Variants in TNXB observed in about 807,000 individuals in gnomAD.
TNXB encodes tenascin XB, also known as tenascin-X.
TNXB carries 183 observed loss-of-function variants against 340.5 expected under a neutral mutation model. The ratio of observed to expected loss-of-function variants is 0.54; its 90% CI spans 0.48 to 0.61. TNXB has a LOEUF of 0.61. Ranked by LOEUF, TNXB falls within the 20% of genes least tolerant of loss-of-function variation. TNXB has a pLI of 0.00. For missense variants in TNXB, 4,613 were observed against 5,446.4 expected (o/e 0.85, Z 4.82); for synonymous variants, 2,121 against 2,314.5 (o/e 0.92, Z 2.40).
At chr6:32,076,736 C>A (rs1779100444) in intron 11 of TNXB, among the ~76,000 whole-genome samples, 1 of 152,154 alleles carries the variant, frequency 6.6e-6, no homozygotes, top group Non-Finnish European at 1.5e-5. Flanking sequence ...AATCCCAGCA[C>A]TTTGGGAGGC....
In TNXB at chr6:32,052,269, G is replaced by A. The variant is rs1407567086; in HGVS notation, c.9115+401C>T. On this transcript the variant is annotated intron_variant, in intron 26 of 43. Transcript: ENST00000644971. This position sits in a 1 kb window ranked among gnomAD's most constrained non-coding sequence, Gnocchi z 4.7. ...GATTGAGACCATCCTGGCTAACACGGTGAAACCCATCTCTACTAAAAATAT... is the reference window on the plus strand; with the variant it reads ...GATTGAGACCATCCTGGCTAACACGATGAAACCCATCTCTACTAAAAATAT... Among the ~76,000 whole-genome samples, 1 of 152,068 alleles carries A rather than the reference G, an allele frequency of 6.6e-6. No individual in the cohort carries two copies. The highest frequency in any genetic ancestry group is 1.5e-5 in the Non-Finnish European group (1 of 68,016).
rs777232579 is a variant in TNXB at position 32,073,953 on chromosome 6, C to T, written c.4376-1G>A. 1 of 1,588,878 alleles carries T rather than the reference C, an allele frequency of 6.3e-7. No individual in the cohort carries two copies. Among genetic ancestry groups the T allele is most frequent in the Admixed American group, 1.7e-5 (1 of 58,884 alleles). On this transcript the variant is annotated splice_acceptor_variant, in intron 11 of 43. Coordinates refer to ENST00000644971, the MANE Select transcript of TNXB (RefSeq NM_001365276.2). LOFTEE classifies it high-confidence loss of function. This position sits in a 1 kb window ranked among gnomAD's most constrained non-coding sequence, Gnocchi z 4.6. ...GGAGGGGTCTCTTCTTGTTGTGGGG[C>T]TGGGACAGAGATGGTAGGGGGCTGT... is the stretch of plus-strand genomic sequence containing the variant.
intron 4 of TNXB, chr6:32,093,070 C>A: frequency 2.5e-6 from 1 of 396,928 alleles, no homozygotes; most frequent in Non-Finnish European, 4.5e-6. Context: ...GAGCAGGAGA[C>A]AACTGCTGCC....
At chr6:32,048,293 C>G (rs910417935) in intron 29 of TNXB, 70 bp downstream of exon 29, 1 of 1,433,802 alleles carries the variant, frequency 7.0e-7, no homozygotes, top group Non-Finnish European at 9.3e-7. Context: ...GGGCACAGAA[C>G]GTGAAATTCC....
In TNXB at chr6:32,080,633, G is replaced by T. The variant is rs117083000; in HGVS notation, c.4042+735C>A. Among the ~76,000 whole-genome samples the T allele has an allele frequency of 1.1e-3, 172 of 152,350 alleles. 1 individual carries two copies. In the East Asian group the frequency reaches 0.027, roughly 24 times the overall value. On this transcript the variant is annotated intron_variant, in intron 10 of 43. Transcript: ENST00000644971. This position sits in a 1 kb window ranked among gnomAD's most constrained non-coding sequence, Gnocchi z 4.3. ...AGAGAGGTTAAGCAATTTGCACAAG[G>T]TCCTACAGGAAGTAAGTTGCAAGGC...
At position 32,082,393 on chromosome 6, in the gene TNXB, C is replaced by A. The variant is rs1248387055; in HGVS notation, c.3446-67G>T. On this transcript the variant is annotated intron_variant, in intron 8 of 43. Coordinates refer to ENST00000644971, the MANE Select transcript of TNXB (RefSeq NM_001365276.2). The surrounding 1 kb of genome is among the most constrained non-coding windows in gnomAD (Gnocchi z 5.0). ...AGGAGAATGGGGAAGCCAAATCCCA[C>A]ATAGGAATGCTGTGTGAGGCTGTGC... 6 of 1,460,710 alleles carry A rather than the reference C, an allele frequency of 4.1e-6. No homozygotes were observed. The African/African-American group carries it at 4.2e-5, about 10-fold the overall frequency. The allele number at this position is 1,460,710 out of a possible 1,614,324, so 90.5% of individuals were successfully genotyped here.
rs1776634059 is a variant in TNXB, at chr6:32,043,872, C to G, written c.11407G>C (p.Val3803Leu). The G allele has an allele frequency of 1.1e-5, 17 of 1,613,582 alleles. No homozygotes were observed. In the East Asian group the frequency reaches 3.3e-4, roughly 32 times the overall value. ...TTCTGGGTCCGGGCCTGGCCATCCA[C>G]CTGCACACTCTGAGGCTCCCCTGAA... ...ADGGEPQSVQ[V>L]DGQARTQKLQ... Residue 3803 changes from valine to leucine, a missense_variant, in exon 35 of 44, where the codon GTG (valine) becomes CTG (leucine). Around this residue, in one of 7 missense-constraint regions of TNXB, gnomAD observed 114 missense variants for 104.5 expected, o/e 1.09. Coordinates refer to ENST00000644971, the MANE Select transcript of TNXB (RefSeq NM_001365276.2).
chr6:32,105,922 C>T (rs1239702271), intron 1 of TNXB, among the ~76,000 whole-genome samples: 1 of 152,086 alleles, frequency 6.6e-6, no homozygotes, highest in African/African-American at 2.4e-5. Context: ...TTTATTCACA[C>T]CGTGGAATAA....
rs765400545 is a variant in TNXB at position 32,043,820 on chromosome 6, C to G, written c.11459G>C (p.Arg3820Pro). 2 of 1,613,610 alleles carry G rather than the reference C, an allele frequency of 1.2e-6. No individual in the cohort carries two copies. Among genetic ancestry groups the G allele is most frequent in the East Asian group, 2.2e-5 (1 of 44,872 alleles). Reference sequence around the variant, plus strand: ...GACCGAGACCACGGTCACCTCATAGCGAGCGCCTGGGATCAGCCCCTGGAG... The same window carrying G: ...GACCGAGACCACGGTCACCTCATAGGGAGCGCCTGGGATCAGCCCCTGGAG... ...QKLQGLIPGA[R>P]YEVTVVSVRG... The change falls in exon 35 of 44, where the codon CGC (arginine) becomes CCC (proline). Residue 3820 changes from arginine to proline, a missense_variant. By Grantham distance (103) the Arg-to-Pro change is moderately radical. Around this residue, in one of 7 missense-constraint regions of TNXB, gnomAD observed 114 missense variants for 104.5 expected, o/e 1.09. Coordinates refer to ENST00000644971, the MANE Select transcript of TNXB (RefSeq NM_001365276.2).
intron 11 of TNXB, among the ~76,000 whole-genome samples, chr6:32,076,194 A>T (rs747125421): frequency 6.6e-6 from 1 of 152,116 alleles, no homozygotes; most frequent in Non-Finnish European, 1.5e-5. Flanking sequence ...AATGTCCTTC[A>T]CCATCAAGCT....
Position 32,049,095 on chromosome 6 carries a change from C to G in TNXB, c.9757+175G>C, listed in dbSNP as rs1324675902. On this transcript the variant is annotated intron_variant, in intron 28 of 43. Coordinates refer to ENST00000644971, the MANE Select transcript of TNXB (RefSeq NM_001365276.2). The surrounding 1 kb of genome is among the most constrained non-coding windows in gnomAD (Gnocchi z 4.5). ...CAACAAACAGGGCATGGACTACCTG[C>G]CCATCTGACTCCACACAGTCTCCAT... Among the ~76,000 whole-genome samples, 1 of 152,222 alleles carries G rather than the reference C, an allele frequency of 6.6e-6. No homozygotes were observed. The highest frequency in any genetic ancestry group is 1.5e-5 in the Non-Finnish European group (1 of 68,036).
chr6:32,108,874 T>A lies in TNXB; in HGVS notation c.-9+307A>T, dbSNP rs549848891. Among the ~76,000 whole-genome samples the A allele has an allele frequency of 6.6e-6, 1 of 152,150 alleles. No homozygotes were observed. Among genetic ancestry groups the A allele is most frequent in the Non-Finnish European group, 1.5e-5 (1 of 68,012 alleles). On this transcript the variant is annotated intron_variant, in intron 1 of 43. Transcript: ENST00000644971. This position sits in a 1 kb window ranked among gnomAD's most constrained non-coding sequence, Gnocchi z 4.8. ...ACCTCACCAATAACCACCTCTACCC[T>A]GGTTCCACCATCTGACTCCCGGAGT...
Position 32,061,653 on chromosome 6 carries a change from C to T in TNXB, c.7236G>A (p.Pro2412=), listed in dbSNP as rs761759951. 1.5e-5 allele frequency: 24 copies of T among 1,612,666 alleles called. No homozygotes were observed. The highest frequency in any genetic ancestry group is 6.7e-5 in the African/African-American group (5 of 74,986). The change falls in exon 21 of 44, where the codon CCG becomes CCA. Residue 2412 remains proline (P), a synonymous_variant. Coordinates refer to ENST00000644971, the MANE Select transcript of TNXB (RefSeq NM_001365276.2). The surrounding 1 kb of genome is among the most constrained non-coding windows in gnomAD (Gnocchi z 4.4). ...SMEAPEPPEE[P]LLGELTVTGS... is the part of the protein sequence containing the mutation. ...CTGTCACTGTTAGCTCCCCCAGGAGCGGCTCCTCAGGGGGCTCCGGGGCCT... is the reference window on the plus strand; with the variant it reads ...CTGTCACTGTTAGCTCCCCCAGGAGTGGCTCCTCAGGGGGCTCCGGGGCCT...
intron 4 of TNXB, chr6:32,093,323 T>C (rs1780163667): frequency 2.9e-6 from 2 of 688,666 alleles, no homozygotes; most frequent in Admixed American, 4.1e-5. Flanking sequence ...TAAAGTATTT[T>C]TATAACAACA....
rs1294685715 is a variant in TNXB at position 32,068,995 on chromosome 6, G to A, written c.5729C>T (p.Ser1910Phe). Reference sequence around the variant, plus strand: ...TCTATCTGTGTACTGGATTTCGAAGGAGTCAAATTCTCCCTCAGTCACCAT... The same window carrying A: ...TCTATCTGTGTACTGGATTTCGAAGAAGTCAAATTCTCCCTCAGTCACCAT... ...SWMVTEGEFD[S>F]FEIQYTDRDG... Residue 1910 changes from serine to phenylalanine, a missense_variant, in exon 16 of 44, where the codon TCC becomes TTC. By Grantham distance (155) the Ser-to-Phe change is radical. Transcript: ENST00000644971. The surrounding 1 kb of genome is among the most constrained non-coding windows in gnomAD (Gnocchi z 5.3). 6.2e-6 allele frequency: 10 copies of A among 1,612,784 alleles called. No homozygotes were observed. Among genetic ancestry groups the A allele is most frequent in the African/African-American group, 1.3e-5 (1 of 74,932 alleles).
Position 32,096,897 on chromosome 6 carries a change from C to A in TNXB, c.956G>T (p.Gly319Val), listed in dbSNP as rs746485634. ...RSCPRGCSQR[G>V]RCKDGRCVCD... is the part of the protein sequence containing the mutation. The stretch of plus-strand genomic sequence containing the variant: ...CACGCAGCGCCCGTCCTTGCAGCGT[C>A]CCCGCTGGCTGCAGCCCCGAGGGCA... Residue 319 changes from glycine (G) to valine (V), a missense_variant, in exon 3 of 44, where the codon GGA becomes GTA. Physicochemically the swap from Gly to Val is moderately radical, Grantham distance 109. Transcript: ENST00000644971. The A allele has an allele frequency of 3.7e-6, 6 of 1,609,714 alleles. No homozygotes were observed. The highest frequency in any genetic ancestry group is 5.1e-6 in the Non-Finnish European group (6 of 1,178,256).
At chr6:32,079,000 G>T in intron 11 of TNXB, 33 bp downstream of exon 11, 2 of 1,586,254 alleles carry the variant, frequency 1.3e-6, no homozygotes, top group Non-Finnish European at 1.7e-6. Flanking sequence ...AGCAGTGGGA[G>T]GGAACCAAAG....
chr6:32,054,658 G>A (rs1426813048), intron 24 of TNXB, among the ~76,000 whole-genome samples: 5 of 152,170 alleles, frequency 3.3e-5, no homozygotes, highest in Admixed American at 1.3e-4. Flanking sequence ...CTTGGCTCCT[G>A]GGCTCCACAT....
rs572852092 is a variant in TNXB at position 32,056,001 on chromosome 6, T to A, written c.8317A>T (p.Arg2773Trp). 2.9e-5 allele frequency: 47 copies of A among 1,613,162 alleles called. No individual in the cohort carries two copies. Among genetic ancestry groups the A allele is most frequent in the Non-Finnish European group, 3.5e-5 (41 of 1,179,878 alleles). Reference sequence around the variant, plus strand: ...CGCATCACCTGGGGCCGCCCGTCCCTGTCCTTGTACTGCACGGTGAAGGAG... The same window carrying A: ...CGCATCACCTGGGGCCGCCCGTCCCAGTCCTTGTACTGCACGGTGAAGGAG... Reference protein sequence around the residue: ...FDSFTVQYKDRDGRPQVMRVR... With the variant: ...FDSFTVQYKDWDGRPQVMRVR... The change falls in exon 24 of 44, where the codon AGG becomes TGG. Residue 2773 changes from arginine (R) to tryptophan (W), a missense_variant. By Grantham distance (101) the Arg-to-Trp change is moderately radical. This residue lies in a region of TNXB where 4,327 missense variants were observed against 4,859.4 expected (regional missense o/e 0.89). Transcript: ENST00000644971.
Sources: gnomAD v4.1 joint callset for allele counts (sites outside exome capture counted in the v4.1 genomes callset) on GRCh38, gnomAD v4.1.1 for gene constraint, gnomAD v4.1.1 regional missense constraint, Gnocchi (gnomAD v3.1) non-coding constraint, MANE v1.5 for transcripts, NCBI Gene and HGNC (gene_info 2026-07-23, HGNC 2026-07-21) for gene names.